The following OR4K14 variants were observed in gnomAD, a reference collection of about 807,000 sequenced individuals.
OR4K14 encodes olfactory receptor 4K14.
For synonymous variants in OR4K14, 153 were observed against 141.5 expected, an observed-to-expected ratio of 1.08 and a Z score of -0.58; for missense variants, 406 against 373.6, an observed-to-expected ratio of 1.09 and a Z score of -0.72.
intron 1 of OR4K14, among the ~76,000 whole-genome samples, chr14:20,018,905 A>C (rs943539729): frequency 2.0e-5 from 3 of 152,062 alleles, no homozygotes; most frequent in Non-Finnish European, 2.9e-5. Context: ...TAAATCATCT[A>C]AAAGCAAATA....
In OR4K14 at chr14:20,014,740, C is replaced by A. The variant is rs771666957; in HGVS notation, c.454G>T (p.Val152Phe). Reference protein sequence around the residue: ...CIRLVLASWVVGFVHSISQVA... With the variant: ...CIRLVLASWVFGFVHSISQVA... Reference sequence around the variant, plus strand: ...TGACTGATGGAGTGCACAAATCCAACGACCCATGAAGCCAGCACCAGCCTG... The same window carrying A: ...TGACTGATGGAGTGCACAAATCCAAAGACCCATGAAGCCAGCACCAGCCTG... Residue 152 changes from valine (V) to phenylalanine (F), a missense_variant, in exon 2 of 2, where the codon GTT becomes TTT. Val to Phe is a conservative substitution (Grantham distance 50, BLOSUM62 -1). Coordinates refer to ENST00000641793, the MANE Select transcript of OR4K14 (RefSeq NM_001004712.2). 1 of 1,614,052 alleles carries A rather than the reference C, an allele frequency of 6.2e-7. No homozygotes were observed. The highest frequency in any genetic ancestry group is 1.1e-5 in the South Asian group (1 of 91,080).
Position 20,014,341 on chromosome 14 carries a change from G to T in OR4K14, c.853C>A (p.Pro285Thr). The T allele has an allele frequency of 6.2e-7, 1 of 1,611,804 alleles. No individual in the cohort carries two copies. The highest frequency in any genetic ancestry group is 8.5e-7 in the Non-Finnish European group (1 of 1,178,984). ...TCATTTCTCAATGTGTAGATAATGGGGTTCAGGAGTGGAGTAAAAATGGTA... is the reference window on the plus strand; with the variant it reads ...TCATTTCTCAATGTGTAGATAATGGTGTTCAGGAGTGGAGTAAAAATGGTA... ...FYTIFTPLLN[P>T]IIYTLRNEEM... The change falls in exon 2 of 2, where the codon CCC (proline) becomes ACC (threonine). Residue 285 changes from proline (P) to threonine (T), a missense_variant. By Grantham distance (38) the Pro-to-Thr change is conservative. Coordinates refer to ENST00000641793, the MANE Select transcript of OR4K14 (RefSeq NM_001004712.2).
chr14:20,014,377 A>G lies in OR4K14; in HGVS notation c.817T>C (p.Ser273Pro), dbSNP rs1349725750. 6.2e-7 allele frequency: 1 copy of G among 1,613,990 alleles called. No homozygotes were observed. Among genetic ancestry groups the G allele is most frequent in the South Asian group, 1.1e-5 (1 of 91,078 alleles). Residue 273 changes from serine (S) to proline (P), a missense_variant, in exon 2 of 2, where the codon TCT becomes CCT. By Grantham distance (74) the Ser-to-Pro change is moderately conservative (BLOSUM62 -1). Transcript: ENST00000641793. The part of the protein sequence containing the change: ...FSRFSVDKLL[S>P]VFYTIFTPLL... ...GGAGTAAAAATGGTATAAAACACAG[A>G]CAGCAGCTTGTCCACAGAGAACCTA... is the stretch of plus-strand genomic sequence containing the variant.
chr14:20,017,528 A>G (rs1877122852), intron 1 of OR4K14, among the ~76,000 whole-genome samples: 1 of 69,838 alleles, frequency 1.4e-5, no homozygotes, highest in African/African-American at 3.0e-5. Context: ...AATGAATTAG[A>G]TCATTTATAG....
At chr14:20,016,471 T>C (rs1877102465) in intron 1 of OR4K14, among the ~76,000 whole-genome samples, 1 of 152,104 alleles carries the variant, frequency 6.6e-6, no homozygotes, top group South Asian at 2.1e-4. Flanking sequence ...TATTGTGTTA[T>C]ATGTGGGTTG....
In OR4K14 at chr14:20,014,299, T is replaced by C; in HGVS notation, c.895A>G (p.Met299Val). The change falls in exon 2 of 2, where the codon ATG (methionine) becomes GTG (valine). Residue 299 changes from methionine (M) to valine (V), a missense_variant. Transcript: ENST00000641793. ...TLRNEEMKAAMKKLQNRRVTF... is the reference protein window; with the variant it reads ...TLRNEEMKAAVKKLQNRRVTF... Reference sequence around the variant, plus strand: ...ACCCGTCGGTTTTGCAGTTTCTTCATAGCTGCTTTCATCTCCTCATTTCTC... The same window carrying C: ...ACCCGTCGGTTTTGCAGTTTCTTCACAGCTGCTTTCATCTCCTCATTTCTC... The C allele has an allele frequency of 1.2e-6, 2 of 1,612,124 alleles. No homozygotes were observed. Among genetic ancestry groups the C allele is most frequent in the South Asian group, 1.1e-5 (1 of 90,860 alleles).
At chr14:20,017,964 T>C (rs919725492) in intron 1 of OR4K14, among the ~76,000 whole-genome samples, 13 of 151,968 alleles carry the variant, frequency 8.6e-5, no homozygotes, top group African/African-American at 3.1e-4. Context: ...CTCTCCTCAC[T>C]GAGAGGAAAA....
In OR4K14 at chr14:20,014,311, TCTC is replaced by T; in HGVS notation, c.880_882del (p.Glu294del). ...TGCAGTTTCTTCATAGCTGCTTTCA[TCTC>T]CTCATTTCTCAATGTGTAGATAATG... is the stretch of plus-strand genomic sequence containing the variant. On this transcript the variant is annotated inframe_deletion, in exon 2 of 2. Coordinates refer to ENST00000641793, the MANE Select transcript of OR4K14 (RefSeq NM_001004712.2). 1 of 1,612,334 alleles carries T rather than the reference TCTC, an allele frequency of 6.2e-7. No homozygotes were observed. Among genetic ancestry groups the T allele is most frequent in the South Asian group, 1.1e-5 (1 of 90,778 alleles).
At chr14:20,017,671 AGGGTAGT>A in intron 1 of OR4K14, among the ~76,000 whole-genome samples, 1 of 152,024 alleles carries the variant, frequency 6.6e-6, no homozygotes, top group Non-Finnish European at 1.5e-5. Flanking sequence ...GACAATGGGA[AGGGTAGT>A]GGGGAGAGTG....
rs772856582 is a variant in OR4K14, at chr14:20,014,527, G to C, written c.667C>G (p.Leu223Val). ...LLLLISYTVI[L>V]LAIRQRAAGS... ...GCAGCACGCTGTCTGATAGCGAGGA[G>C]GATCACGGTGTAGGAGATCAGGAGG... The change falls in exon 2 of 2, where the codon CTC becomes GTC. Residue 223 changes from leucine to valine, a missense_variant. Coordinates refer to ENST00000641793, the MANE Select transcript of OR4K14 (RefSeq NM_001004712.2). 3.1e-6 allele frequency: 5 copies of C among 1,614,082 alleles called. No individual in the cohort carries two copies. Among genetic ancestry groups the C allele is most frequent in the Non-Finnish European group, 8.5e-7 (1 of 1,179,980 alleles).
chr14:20,014,980 TG>T lies in OR4K14; in HGVS notation c.213del (p.Asp71GlufsTer12), dbSNP rs1226473581. 6.2e-7 allele frequency: 1 copy of T among 1,614,110 alleles called. No homozygotes were observed. Among genetic ancestry groups the T allele is most frequent in the African/African-American group, 1.3e-5 (1 of 75,040 alleles). On this transcript the variant is annotated frameshift_variant, in exon 2 of 2. Coordinates refer to ENST00000641793, the MANE Select transcript of OR4K14 (RefSeq NM_001004712.2). LOFTEE classifies it low-confidence loss of function (END_TRUNC). ...YFLLGNLAFL[D>X]MWLASFATPK... is the part of the protein sequence containing the mutation. The stretch of plus-strand genomic sequence containing the variant: ...GGAGTGGCAAATGAGGCCAGCCACA[TG>T]TCCAGGAAAGCTAGGTTCCCCAGCA...
In OR4K14 at chr14:20,015,046, T is replaced by A; in HGVS notation, c.148A>T (p.Ile50Phe). The A allele has an allele frequency of 6.2e-7, 1 of 1,613,842 alleles. No homozygotes were observed. The highest frequency in any genetic ancestry group is 2.2e-5 in the East Asian group (1 of 44,880). ...LGNLLILVTV[I>F]SDPCLHSSPM... is the part of the protein sequence containing the mutation. ...GAGGAGTGCAGGCAGGGATCAGAAA[T>A]TACAGTGACCAAAATGAGAAGGTTA... is the stretch of plus-strand genomic sequence containing the variant. Residue 50 changes from isoleucine (I) to phenylalanine (F), a missense_variant, in exon 2 of 2, where the codon ATT becomes TTT. Transcript: ENST00000641793.
intron 1 of OR4K14, among the ~76,000 whole-genome samples, chr14:20,017,045 T>A (rs980136630): frequency 6.6e-6 from 1 of 152,080 alleles, no homozygotes; most frequent in Non-Finnish European, 1.5e-5. Flanking sequence ...TATAGAGCCA[T>A]AATGTTGAGA....
At chr14:20,016,234 A>T (rs1380466291) in intron 1 of OR4K14, among the ~76,000 whole-genome samples, 1 of 148,570 alleles carries the variant, frequency 6.7e-6, no homozygotes, top group Non-Finnish European at 1.5e-5. Context: ...TGATAGGTAG[A>T]TGTATCTATG....
At chr14:20,018,124 G>A (rs955004604) in intron 1 of OR4K14, among the ~76,000 whole-genome samples, 2 of 151,828 alleles carry the variant, frequency 1.3e-5, no homozygotes, top group Non-Finnish European at 2.9e-5. Flanking sequence ...GCTTCTACAG[G>A]GAAATAAAGT....
At chr14:20,016,440 T>C (rs1184612608) in intron 1 of OR4K14, among the ~76,000 whole-genome samples, 3 of 152,096 alleles carry the variant, frequency 2.0e-5, no homozygotes, top group Admixed American at 6.5e-5. Flanking sequence ...TGTTGCTTAG[T>C]AATTTTATAA....
At chr14:20,018,700 T>C (rs978660442) in intron 1 of OR4K14, among the ~76,000 whole-genome samples, 30 of 152,008 alleles carry the variant, frequency 2.0e-4, no homozygotes, top group African/African-American at 7.0e-4. Flanking sequence ...ATCAAAGTTG[T>C]TCTACAGTTA....
intron 1 of OR4K14, among the ~76,000 whole-genome samples, chr14:20,018,664 C>T (rs12879151): frequency 0.4 from 60,189 of 151,664 alleles, 12,644 homozygotes; most frequent in East Asian, 0.76. Context: ...GGGAAACAAA[C>T]ATAAAGGAAC....
chr14:20,018,527 T>C (rs1286742955), intron 1 of OR4K14, among the ~76,000 whole-genome samples: 1 of 152,066 alleles, frequency 6.6e-6, no homozygotes, highest in Non-Finnish European at 1.5e-5. Context: ...TATACTTTTA[T>C]TGATATTCTT....
Sources: gnomAD v4.1 joint callset for allele counts (sites outside exome capture counted in the v4.1 genomes callset) on GRCh38, gnomAD v4.1.1 for gene constraint, MANE v1.5 for transcripts, NCBI Gene and HGNC (gene_info 2026-07-23, HGNC 2026-07-21) for gene names.